Variants in MYO1H observed in about 807,000 individuals in gnomAD.
MYO1H encodes unconventional myosin-Ih.
Under a neutral mutation model 149.3 loss-of-function variants are expected in MYO1H, and 118 were observed. The observed-to-expected ratio is 0.79, with a 90% CI of 0.68 to 0.92. MYO1H has a LOEUF of 0.92. Among genes scored for constraint, MYO1H ranks in the 40% least tolerant of loss-of-function variants. The probability of loss-of-function intolerance (pLI) is 0.00; values close to 1 mark genes in which losing one functional copy is unlikely to be tolerated. For synonymous variants in MYO1H, 447 were observed against 465.2 expected (o/e 0.96, Z 0.50); for missense variants, 1,212 against 1,280.7 (o/e 0.95, Z 0.82).
intron 19 of MYO1H, among the ~76,000 whole-genome samples, chr12:109,428,042 G>A (rs527398812): frequency 1.9e-4 from 27 of 145,122 alleles, no homozygotes; most frequent in South Asian, 1.6e-3. Context: ...ACTTGAGATC[G>A]TACCACTGCA....
At chr12:109,399,913 T>C (rs73192592) in intron 5 of MYO1H, among the ~76,000 whole-genome samples, 5,548 of 152,170 alleles carry the variant, frequency 0.036, 125 homozygotes, top group Middle Eastern at 0.065. Flanking sequence ...AGACCCTATC[T>C]CTTAAAAATT....
At chr12:109,372,723 C>G (rs1306034615) in intron 1 of MYO1H, among the ~76,000 whole-genome samples, 1 of 151,840 alleles carries the variant, frequency 6.6e-6, no homozygotes, top group African/African-American at 2.4e-5. Context: ...CTTTTTGTTT[C>G]TTTCAGAAAT....
At chr12:109,321,635 C>G in the MYO1H span, among the ~76,000 whole-genome samples, 5 of 152,250 alleles carry the variant, frequency 3.3e-5, no homozygotes, top group Middle Eastern at 0.01. Context: ...TGGACCATTT[C>G]CAGAATGAGA....
At chr12:109,320,517 G>A in the MYO1H span, among the ~76,000 whole-genome samples, 1 of 145,254 alleles carries the variant, frequency 6.9e-6, no homozygotes, top group Non-Finnish European at 1.5e-5. Flanking sequence ...TCAGCTATTT[G>A]GGAGGCTGAG....
At chr12:109,443,956 C>A (rs1252119336) in intron 28 of MYO1H, among the ~76,000 whole-genome samples, 1 of 151,892 alleles carries the variant, frequency 6.6e-6, no homozygotes, top group Non-Finnish European at 1.5e-5. Context: ...CGTTGCCCAG[C>A]CTGGACTGCA....
At chr12:109,369,444 G>A (rs1246162955) in intron 1 of MYO1H, among the ~76,000 whole-genome samples, 2 of 152,198 alleles carry the variant, frequency 1.3e-5, no homozygotes, top group Non-Finnish European at 2.9e-5. Context: ...AAGGAAGAGT[G>A]GTAAACCTCT....
the MYO1H span, among the ~76,000 whole-genome samples, chr12:109,318,661 A>G: frequency 1.3e-5 from 2 of 152,152 alleles, no homozygotes; most frequent in Admixed American, 1.3e-4. Flanking sequence ...TCTACAATAG[A>G]CTGGACCAAC....
chr12:109,350,970 C>A (rs1222528826), intron 1 of MYO1H, among the ~76,000 whole-genome samples: 1 of 140,678 alleles, frequency 7.1e-6, no homozygotes, highest in East Asian at 2.0e-4. Flanking sequence ...TTTGTTACAT[C>A]TGTAGATTTA....
intron 14 of MYO1H, among the ~76,000 whole-genome samples, chr12:109,413,268 C>T (rs1793557385): frequency 1.3e-5 from 2 of 152,154 alleles, no homozygotes; most frequent in South Asian, 4.1e-4. Context: ...AGCCACCATG[C>T]CTGGCCCCAA....
the MYO1H span, among the ~76,000 whole-genome samples, chr12:109,312,736 TG>T: frequency 1.1e-4 from 16 of 152,058 alleles, no homozygotes; most frequent in South Asian, 1.2e-3. Context: ...CTGCAGGGCA[TG>T]TCTATGAAGC....
At chr12:109,387,652 C>T (rs1869409125) in intron 1 of MYO1H, among the ~76,000 whole-genome samples, 1 of 152,240 alleles carries the variant, frequency 6.6e-6, no homozygotes. Context: ...CATTCTGCTG[C>T]ACGTGGTATG....
At chr12:109,343,287 T>C (rs2048092413), upstream of MYO1H, among the ~76,000 whole-genome samples, 1 of 152,166 alleles carries the variant, frequency 6.6e-6, no homozygotes, top group Non-Finnish European at 1.5e-5. Context: ...GATGTTAGCA[T>C]AACTAGAAAT....
intron 1 of MYO1H, among the ~76,000 whole-genome samples, chr12:109,384,230 A>G (rs1179728560): frequency 2.0e-5 from 3 of 152,178 alleles, no homozygotes; most frequent in African/African-American, 7.2e-5. Flanking sequence ...CAGTCATGGT[A>G]CCTGCTGGAA....
intron 1 of MYO1H, among the ~76,000 whole-genome samples, chr12:109,385,156 T>A (rs1869276549): frequency 6.6e-6 from 1 of 152,208 alleles, no homozygotes; most frequent in Admixed American, 6.5e-5. Flanking sequence ...CCCAAGATTA[T>A]ACTGCCAGGA....
intron 1 of MYO1H, among the ~76,000 whole-genome samples, chr12:109,386,517 T>C (rs1869318744): frequency 6.6e-6 from 1 of 152,230 alleles, no homozygotes; most frequent in African/African-American, 2.4e-5. Context: ...CAGTATTTGG[T>C]GTTGTCAGTG....
chr12:109,366,330 C>T (rs746864350), intron 1 of MYO1H, among the ~76,000 whole-genome samples: 25 of 152,154 alleles, frequency 1.6e-4, no homozygotes, highest in Non-Finnish European at 2.9e-4. Flanking sequence ...ACCAATGGCC[C>T]ATCAACTTTA....
intron 1 of MYO1H, among the ~76,000 whole-genome samples, chr12:109,371,213 CTTTTTTTTT>C (rs34350111): frequency 2.5e-5 from 3 of 118,346 alleles, no homozygotes; most frequent in Admixed American, 9.9e-5. Context: ...TTTTTTCTTT[CTTTTTTTTT>C]TTTTTTTTTT....
the MYO1H span, among the ~76,000 whole-genome samples, chr12:109,325,175 A>G: frequency 1.3e-5 from 2 of 152,236 alleles, no homozygotes; most frequent in African/African-American, 4.8e-5. Flanking sequence ...GTGCTGCAAT[A>G]AACATACATG....
chr12:109,419,230 A>G (rs995258916), intron 15 of MYO1H, among the ~76,000 whole-genome samples: 1 of 151,826 alleles, frequency 6.6e-6, no homozygotes, highest in South Asian at 2.1e-4. Flanking sequence ...ACTCATACTC[A>G]TTCACTCTAC....
Sources: gnomAD v4.1 joint callset for allele counts (sites outside exome capture counted in the v4.1 genomes callset) on GRCh38, gnomAD v4.1.1 for gene constraint, MANE v1.5 for transcripts, NCBI Gene and HGNC (gene_info 2026-07-23, HGNC 2026-07-21) for gene names.